The following CCDC7 variants were observed in gnomAD, a reference collection of about 807,000 sequenced individuals.
CCDC7 encodes coiled-coil domain-containing protein 7.
Under a neutral mutation model 196.9 loss-of-function variants are expected in CCDC7, and 183 were observed. The ratio of observed to expected loss-of-function variants is 0.93; its 90% CI spans 0.82 to 1.05. The LOEUF (loss-of-function observed/expected upper bound fraction) is 1.05. CCDC7 is among the 50% of genes least tolerant of loss of function. The probability of loss-of-function intolerance (pLI) is 0.00; values close to 1 mark genes in which losing one functional copy is unlikely to be tolerated. For missense variants in CCDC7, 1,540 were observed against 1,482.2 expected, an observed-to-expected ratio of 1.04 and a Z score of -0.64; for synonymous variants, 525 against 484.6, an observed-to-expected ratio of 1.08 and a Z score of -1.10.
chr10:32,450,870 A>G (rs1308716889), upstream of CCDC7, among the ~76,000 whole-genome samples: 2 of 152,140 alleles, frequency 1.3e-5, no homozygotes, highest in Non-Finnish European at 2.9e-5. Context: ...TTCAGTCCGT[A>G]TATTCCCATT....
chr10:32,471,090 A>G, exon 6 of CCDC7: 2 of 1,608,376 alleles, frequency 1.2e-6, no homozygotes, highest in Non-Finnish European at 8.5e-7. Flanking sequence ...CTCTTTTACA[A>G]GCAGAGCCTC....
Position 32,516,169 on chromosome 10 carries a change from A to C in CCDC7, c.873-1776A>C, listed in dbSNP as rs1355154360. Among the ~76,000 whole-genome samples, 3 of 152,352 alleles carry C rather than the reference A, an allele frequency of 2.0e-5. No individual in the cohort carries two copies. In the East Asian group the frequency reaches 5.8e-4, roughly 29 times the overall value. ...AAAGAACTCTTATACCTCAATAATA[A>C]AAAGATAAATAATTCAATTAAAAAT... On this transcript the variant is annotated intron_variant, in intron 9 of 41. Coordinates refer to ENST00000639629, the Ensembl canonical transcript of CCDC7.
intron 18 of CCDC7, among the ~76,000 whole-genome samples, chr10:32,587,121 T>C (rs917203666): frequency 6.6e-6 from 1 of 152,216 alleles, no homozygotes; most frequent in African/African-American, 2.4e-5. Context: ...GTGGCGTTAA[T>C]TACATTCACA....
intron 21 of CCDC7, among the ~76,000 whole-genome samples, chr10:32,665,170 A>T (rs564849386): frequency 3.3e-5 from 5 of 151,974 alleles, no homozygotes; most frequent in Non-Finnish European, 7.4e-5. Flanking sequence ...ATTGTTTTCT[A>T]ACTATTGAGT....
chr10:32,817,511 G>C (rs929372356), intron 31 of CCDC7, among the ~76,000 whole-genome samples: 8 of 152,072 alleles, frequency 5.3e-5, no homozygotes, highest in Admixed American at 2.0e-4. Flanking sequence ...TCCTCGAGAA[G>C]AGCAACTCCA....
At chr10:32,605,151 A>G (rs2061441149) in intron 18 of CCDC7, among the ~76,000 whole-genome samples, 1 of 152,072 alleles carries the variant, frequency 6.6e-6, no homozygotes, top group Non-Finnish European at 1.5e-5. Flanking sequence ...CTATGTGAAA[A>G]GCTGTCTCCC....
intron 9 of CCDC7, among the ~76,000 whole-genome samples, chr10:32,496,837 T>A (rs1323064600): frequency 6.6e-6 from 1 of 152,204 alleles, no homozygotes; most frequent in Non-Finnish European, 1.5e-5. Context: ...ATCAGGGATA[T>A]TTGCTTAAAA....
intron 30 of CCDC7, among the ~76,000 whole-genome samples, chr10:32,811,630 A>G (rs1279914421): frequency 6.6e-6 from 1 of 152,072 alleles, no homozygotes; most frequent in Non-Finnish European, 1.5e-5. Flanking sequence ...CTCACTGCCA[A>G]TTTTTTCCAA....
At chr10:32,488,278 C>G (rs922384823) in intron 8 of CCDC7, among the ~76,000 whole-genome samples, 2 of 152,224 alleles carry the variant, frequency 1.3e-5, no homozygotes, top group African/African-American at 2.4e-5. Flanking sequence ...GCAGGACCCT[C>G]CAAGCCAGGC....
intron 31 of CCDC7, among the ~76,000 whole-genome samples, chr10:32,817,664 G>A (rs1487684932): frequency 6.6e-6 from 1 of 152,232 alleles, no homozygotes; most frequent in Non-Finnish European, 1.5e-5. Context: ...CAAGCCAGAA[G>A]AGAGTGGGGG....
At chr10:32,673,834 T>C (rs770624686) in intron 21 of CCDC7, among the ~76,000 whole-genome samples, 1 of 152,068 alleles carries the variant, frequency 6.6e-6, no homozygotes, top group Non-Finnish European at 1.5e-5. Context: ...GATTCAGTCT[T>C]GGTAGGTTAT....
At chr10:32,695,022 A>C (rs767884976) in intron 24 of CCDC7, 30 bp downstream of exon 25, 8 of 1,223,700 alleles carry the variant, frequency 6.5e-6, no homozygotes, top group African/African-American at 1.5e-5. Flanking sequence ...ATAACTTAAA[A>C]ATTTTAAAGT....
chr10:32,485,508 G>A (rs2040875535), intron 8 of CCDC7, among the ~76,000 whole-genome samples: 1 of 152,126 alleles, frequency 6.6e-6, no homozygotes, highest in Non-Finnish European at 1.5e-5. Flanking sequence ...GTTCTGCTCT[G>A]ATCTTAGTTA....
chr10:32,821,934 C>T (rs1457620267), intron 31 of CCDC7, among the ~76,000 whole-genome samples: 2 of 151,322 alleles, frequency 1.3e-5, no homozygotes, highest in African/African-American at 4.9e-5. Flanking sequence ...ACGTTGTGCA[C>T]ATGTACCCTA....
intron 8 of CCDC7, among the ~76,000 whole-genome samples, chr10:32,482,405 C>T (rs1193472629): frequency 1.3e-5 from 2 of 151,694 alleles, no homozygotes; most frequent in Admixed American, 1.3e-4. Context: ...TTTAAGTTTA[C>T]AGATTCTTTC....
intron 11 of CCDC7, among the ~76,000 whole-genome samples, chr10:32,539,861 G>A (rs1394241994): frequency 1.3e-5 from 2 of 151,958 alleles, no homozygotes; most frequent in Admixed American, 1.3e-4. Context: ...TTTTTATTTT[G>A]CTGTAGTCTG....
intron 13 of CCDC7, among the ~76,000 whole-genome samples, chr10:32,545,331 A>C (rs2052240993): frequency 6.6e-6 from 1 of 152,190 alleles, no homozygotes. Flanking sequence ...AGTACTGTAC[A>C]ATCTTAAATT....
At chr10:32,844,623 G>C (rs1368654385) in intron 33 of CCDC7, among the ~76,000 whole-genome samples, 1 of 151,634 alleles carries the variant, frequency 6.6e-6, no homozygotes, top group East Asian at 1.9e-4. Context: ...AACTTTCTAG[G>C]ATAATTTTAA....
At chr10:32,707,473 C>A (rs1286882466) in intron 24 of CCDC7, among the ~76,000 whole-genome samples, 3 of 152,060 alleles carry the variant, frequency 2.0e-5, no homozygotes, top group Non-Finnish European at 4.4e-5. Context: ...CTGGCCCGGG[C>A]AATCAGGCAG....
Sources: gnomAD v4.1 joint callset for allele counts (sites outside exome capture counted in the v4.1 genomes callset) on GRCh38, gnomAD v4.1.1 for gene constraint, MANE v1.5 for transcripts, NCBI Gene and HGNC (gene_info 2026-07-23, HGNC 2026-07-21) for gene names.